The following TEX14 variants were observed in gnomAD, a reference collection of about 807,000 sequenced individuals.
The protein encoded by TEX14 is inactive serine/threonine-protein kinase TEX14.
In TEX14, 168 loss-of-function variants were observed where a neutral mutation model predicts 178.6. The observed-to-expected ratio is 0.94, with a 90% CI of 0.83 to 1.07. The LOEUF (loss-of-function observed/expected upper bound fraction) is 1.07. TEX14 is among the 50% of genes least tolerant of loss of function. The pLI, the probability that TEX14 is intolerant of heterozygous loss-of-function variation, is 0.00. For synonymous variants in TEX14, 626 were observed against 634.1 expected, an observed-to-expected ratio of 0.99 and a Z score of 0.19; for missense variants, 1,730 against 1,753.6, an observed-to-expected ratio of 0.99 and a Z score of 0.24.
intron 4 of TEX14, 88 bp downstream of exon 4, chr17:58,622,759 T>G: frequency 7.6e-7 from 1 of 1,317,108 alleles, no homozygotes; most frequent in Non-Finnish European, 1.0e-6. Context: ...CTAAGGCCAC[T>G]GTACGCTCTG....
chr17:58,674,093 G>A (rs973600852), intron 1 of TEX14, among the ~76,000 whole-genome samples: 2 of 152,036 alleles, frequency 1.3e-5, no homozygotes, highest in African/African-American at 2.4e-5. Flanking sequence ...GGCCAACATG[G>A]TGAAACCCCA....
chr17:58,686,927 G>A (rs371810737), intron 1 of TEX14, among the ~76,000 whole-genome samples: 2 of 121,480 alleles, frequency 1.6e-5, no homozygotes, highest in East Asian at 2.7e-4. Context: ...ACCCTAGAGC[G>A]CAGGGGAGGG....
chr17:58,636,554 G>A lies in TEX14; in HGVS notation c.137-6000C>T, dbSNP rs1181469169. On this transcript the variant is annotated intron_variant, in intron 2 of 31. Transcript: ENST00000349033. The stretch of plus-strand genomic sequence containing the variant: ...TGTTTTGTAGATGAAGAAATGGAGA[G>A]AGATCAATTTGCCAGAGGTCACAAA... Among the ~76,000 whole-genome samples, 3 of 152,228 alleles carry A rather than the reference G, an allele frequency of 2.0e-5. No individual in the cohort carries two copies. In the East Asian group the frequency reaches 5.8e-4, roughly 29 times the overall value.
chr17:58,691,820 C>T (rs1308326348), intron 1 of TEX14, 119 bp downstream of exon 1: 1 of 152,172 alleles, frequency 6.6e-6, no homozygotes, highest in African/African-American at 2.4e-5. Flanking sequence ...GCGGTCACTA[C>T]CACTGCTTGA....
In TEX14 at chr17:58,599,460, A is replaced by G; in HGVS notation, c.1885T>C (p.Cys629Arg). 1.9e-6 allele frequency: 3 copies of G among 1,614,132 alleles called. No individual in the cohort carries two copies. Among genetic ancestry groups the G allele is most frequent in the East Asian group, 2.2e-5 (1 of 44,876 alleles). Residue 629 changes from cysteine (C) to arginine (R), a missense_variant, in exon 14 of 32, where the codon TGC becomes CGC. Around this residue, in one of 2 missense-constraint regions of TEX14, gnomAD observed 941 missense variants for 1,072.4 expected, o/e 0.88. Transcript: ENST00000349033. Reference sequence around the variant, plus strand: ...TCTATGTCATCTTCCAAAATCAAGCAGCCTGAGTAGATCTCGTTGATTTCG... The same window carrying G: ...TCTATGTCATCTTCCAAAATCAAGCGGCCTGAGTAGATCTCGTTGATTTCG... ...SFEINEIYSGCLILEDDIEEP... is the reference protein window; with the variant it reads ...SFEINEIYSGRLILEDDIEEP...
At chr17:58,579,175 T>C (rs1447744005) in intron 20 of TEX14, among the ~76,000 whole-genome samples, 1 of 152,228 alleles carries the variant, frequency 6.6e-6, no homozygotes, top group African/African-American at 2.4e-5. Flanking sequence ...GAATCTGCAT[T>C]GTTAACTGTT....
intron 10 of TEX14, among the ~76,000 whole-genome samples, chr17:58,610,824 T>G (rs1022234481): frequency 2.0e-5 from 3 of 151,444 alleles, no homozygotes; most frequent in African/African-American, 7.3e-5. Flanking sequence ...AGGCGGAGGT[T>G]GCAGTGAGCC....
chr17:58,689,847 A>ATT (rs200475844), intron 1 of TEX14, among the ~76,000 whole-genome samples: 29 of 141,262 alleles, frequency 2.1e-4, no homozygotes, highest in Admixed American at 5.0e-4. Flanking sequence ...GGGCCAGAAG[A>ATT]TTTTTTTTTT....
At chr17:58,649,043 C>G (rs1019070880) in intron 2 of TEX14, among the ~76,000 whole-genome samples, 5 of 150,544 alleles carry the variant, frequency 3.3e-5, no homozygotes, top group African/African-American at 1.2e-4. Context: ...TCCCAAAGTG[C>G]TGGGATTACA....
chr17:58,643,115 T>A (rs1480279651), intron 2 of TEX14, among the ~76,000 whole-genome samples: 1 of 152,250 alleles, frequency 6.6e-6, no homozygotes, highest in Non-Finnish European at 1.5e-5. Flanking sequence ...GATGAATTCA[T>A]GAATGTATTG....
intron 20 of TEX14, among the ~76,000 whole-genome samples, chr17:58,579,108 A>C (rs2044749796): frequency 6.6e-6 from 1 of 152,262 alleles, no homozygotes; most frequent in East Asian, 1.9e-4. Context: ...CATCTAAAAG[A>C]AAGCCCCTGC....
chr17:58,582,323 G>C (rs1204453935), intron 19 of TEX14, among the ~76,000 whole-genome samples: 1 of 152,230 alleles, frequency 6.6e-6, no homozygotes, highest in East Asian at 1.9e-4. Flanking sequence ...GCAGAGGTGC[G>C]ATCTTGGCTC....
chr17:58,613,734 C>T (rs780363291), intron 8 of TEX14, among the ~76,000 whole-genome samples, 190 bp from the exon 9 acceptor site: 17 of 151,998 alleles, frequency 1.1e-4, no homozygotes, highest in Non-Finnish European at 2.2e-4. Flanking sequence ...GATCTCTCGG[C>T]TGGCTCACTG....
At chr17:58,614,679 C>G (rs1318243049) in intron 8 of TEX14, among the ~76,000 whole-genome samples, 2 of 152,160 alleles carry the variant, frequency 1.3e-5, no homozygotes, top group Non-Finnish European at 1.5e-5. Context: ...AGTTGAGGAG[C>G]CTTCTTAGGA....
chr17:58,662,318 C>T (rs893128114), intron 1 of TEX14, among the ~76,000 whole-genome samples: 2 of 151,336 alleles, frequency 1.3e-5, no homozygotes, highest in Non-Finnish European at 2.9e-5. Context: ...GGCGTGGTGG[C>T]GGGTGCCTGT....
Position 58,612,777 on chromosome 17 carries a change from A to G in TEX14, c.1005+644T>C, listed in dbSNP as rs1348313172. 2.0e-5 allele frequency among the ~76,000 whole-genome samples: 3 copies of G among 150,628 alleles called. No individual in the cohort carries two copies. In the East Asian group the frequency reaches 5.9e-4, roughly 30 times the overall value. On this transcript the variant is annotated intron_variant, in intron 9 of 31. Coordinates refer to ENST00000349033, the MANE Select transcript of TEX14 (RefSeq NM_031272.5). ...AAAAAAATTAGCTGGGCATGGTGGC[A>G]TGCACCTGTAGTCTCAGCTACATTG... is the stretch of plus-strand genomic sequence containing the variant.
At chr17:58,612,800 T>C (rs1002197357) in intron 9 of TEX14, among the ~76,000 whole-genome samples, 1 of 150,454 alleles carries the variant, frequency 6.6e-6, no homozygotes, top group Admixed American at 6.6e-5. Context: ...CTCAGCTACA[T>C]TGGAGGCTGA....
chr17:58,573,971 A>G (rs529638800), intron 22 of TEX14, among the ~76,000 whole-genome samples: 2 of 152,260 alleles, frequency 1.3e-5, no homozygotes, highest in South Asian at 4.1e-4. Flanking sequence ...TATTATTATG[A>G]TTATTATTAT....
chr17:58,595,355 T>C (rs796504585), intron 14 of TEX14, among the ~76,000 whole-genome samples: 5 of 152,292 alleles, frequency 3.3e-5, no homozygotes, highest in African/African-American at 1.2e-4. Flanking sequence ...ACTAGTAGAT[T>C]GTTTCCAGCA....
Sources: gnomAD v4.1 joint callset for allele counts (sites outside exome capture counted in the v4.1 genomes callset) on GRCh38, gnomAD v4.1.1 for gene constraint, gnomAD v4.1.1 regional missense constraint, MANE v1.5 for transcripts, NCBI Gene and HGNC (gene_info 2026-07-23, HGNC 2026-07-21) for gene names.